Variants in CAP2 observed in about 807,000 individuals in gnomAD.
CAP2 encodes cyclase associated actin cytoskeleton regulatory protein 2.
Under a neutral mutation model 57.7 loss-of-function variants are expected in CAP2, and 24 were observed. That is an observed-to-expected ratio of 0.42 (90% confidence interval 0.30 to 0.58). The LOEUF is 0.58. Ranked by LOEUF, CAP2 falls within the 20% of genes least tolerant of loss-of-function variation. The probability of loss-of-function intolerance (pLI) is 0.22; values close to 1 mark genes in which losing one functional copy is unlikely to be tolerated. For synonymous variants in CAP2, 194 were observed against 207.2 expected, an observed-to-expected ratio of 0.94 and a Z score of 0.55; for missense variants, 501 against 590.3, an observed-to-expected ratio of 0.85 and a Z score of 1.57.
chr6:17,548,078 G>T (rs1763093342), intron 11 of CAP2, among the ~76,000 whole-genome samples: 2 of 151,604 alleles, frequency 1.3e-5, no homozygotes, highest in South Asian at 4.2e-4. Flanking sequence ...TTTAGAAAAT[G>T]CAATAGAGGC....
chr6:17,490,907 T>C (rs890326267), intron 4 of CAP2, among the ~76,000 whole-genome samples: 3 of 152,220 alleles, frequency 2.0e-5, no homozygotes, highest in Non-Finnish European at 4.4e-5. Context: ...TGGCTGAATG[T>C]CAGCTATAAG....
chr6:17,522,980 C>T (rs1024399489), intron 7 of CAP2, among the ~76,000 whole-genome samples: 6 of 152,120 alleles, frequency 3.9e-5, no homozygotes, highest in East Asian at 1.9e-4. Context: ...GTGATCCACT[C>T]GCCTTGGCCT....
chr6:17,504,207 C>T (rs1761914820), intron 4 of CAP2, among the ~76,000 whole-genome samples: 1 of 152,156 alleles, frequency 6.6e-6, no homozygotes, highest in Non-Finnish European at 1.5e-5. Flanking sequence ...ACCTGTTGTG[C>T]ACCCACAGTA....
intron 11 of CAP2, among the ~76,000 whole-genome samples, chr6:17,544,274 G>A: frequency 6.6e-6 from 1 of 152,208 alleles, no homozygotes; most frequent in African/African-American, 2.4e-5. Context: ...TAAAAGTACT[G>A]TGAGACTCTC....
intron 6 of CAP2, 149 bp downstream of exon 6, chr6:17,507,875 T>C: frequency 2.0e-6 from 1 of 511,512 alleles, no homozygotes; most frequent in East Asian, 3.0e-5. Flanking sequence ...TCTTTGCAGA[T>C]AAAGTCAAGT....
intron 3 of CAP2, among the ~76,000 whole-genome samples, chr6:17,437,834 G>C (rs542085415): frequency 6.6e-6 from 1 of 152,090 alleles, no homozygotes; most frequent in South Asian, 2.1e-4. Context: ...CAGAGATCAC[G>C]CCACTGCACT....
Position 17,514,516 on chromosome 6 carries a change from G to A in CAP2, c.636+562G>A, listed in dbSNP as rs1341972155. Among the ~76,000 whole-genome samples the A allele has an allele frequency of 3.9e-5, 6 of 152,008 alleles. No homozygotes were observed. The East Asian group carries it at 5.9e-4, about 15-fold the overall frequency. ...TGTAATCCCAGCACTTTGGGAGGCC[G>A]AGGTGGGCAGATCACCTGAGGTCAG... On this transcript the variant is annotated intron_variant, in intron 7 of 12. Transcript: ENST00000229922.
rs1048356625 is a variant in CAP2, at chr6:17,557,339, G to A, written c.*897G>A. The A allele has an allele frequency of 3.9e-5, 6 of 152,026 alleles. No homozygotes were observed. The highest frequency in any genetic ancestry group is 1.3e-4 in the Admixed American group (2 of 15,240). The allele number at this position is 152,026 out of a possible 1,614,324, so 9.4% of individuals were successfully genotyped here. On this transcript the variant is annotated 3_prime_UTR_variant, in exon 13 of 13. Coordinates refer to ENST00000229922, the MANE Select transcript of CAP2 (RefSeq NM_006366.3). ...CCTGCCAGACTTGCTAACCAAGCTC[G>A]AAAATGAACATGAAAAAGCCATACA...
chr6:17,509,513 A>G (rs560097631), intron 6 of CAP2, among the ~76,000 whole-genome samples: 8 of 152,210 alleles, frequency 5.3e-5, no homozygotes, highest in African/African-American at 1.7e-4. Flanking sequence ...CCCTGTCTCT[A>G]CTAAAAATAC....
rs554201583 is a variant in CAP2, at chr6:17,450,153, G to A, written c.223-12843G>A. On this transcript the variant is annotated intron_variant, in intron 3 of 12. Coordinates refer to ENST00000229922, the MANE Select transcript of CAP2 (RefSeq NM_006366.3). Reference sequence around the variant, plus strand: ...TGCAAGCTCCGCCTCCCAGGTTCACGCCATTCTCCTGCCTCAGCCTCCCGA... The same window carrying A: ...TGCAAGCTCCGCCTCCCAGGTTCACACCATTCTCCTGCCTCAGCCTCCCGA... Among the ~76,000 whole-genome samples the A allele has an allele frequency of 1.1e-4, 16 of 151,500 alleles. No homozygotes were observed. In the East Asian group the frequency reaches 2.7e-3, roughly 26 times the overall value.
intron 1 of CAP2, among the ~76,000 whole-genome samples, chr6:17,394,841 GGTT>G: frequency 6.6e-6 from 1 of 152,238 alleles, no homozygotes; most frequent in East Asian, 1.9e-4. Flanking sequence ...AGCAAGGATG[GGTT>G]GTTTGGTAGT....
At chr6:17,459,814 T>G (rs1760675193) in intron 3 of CAP2, among the ~76,000 whole-genome samples, 1 of 152,094 alleles carries the variant, frequency 6.6e-6, no homozygotes. Flanking sequence ...TCACAGAGAA[T>G]GCAGATAACA....
chr6:17,404,118 A>T (rs964188902), intron 1 of CAP2, among the ~76,000 whole-genome samples: 1 of 152,204 alleles, frequency 6.6e-6, no homozygotes, highest in Non-Finnish European at 1.5e-5. Context: ...CAATTCATTA[A>T]TTGACATAGT....
chr6:17,543,857 G>A (rs1762971066), intron 11 of CAP2, among the ~76,000 whole-genome samples: 1 of 152,002 alleles, frequency 6.6e-6, no homozygotes, highest in Non-Finnish European at 1.5e-5. Context: ...AGGCATGGTG[G>A]CTCACGCCTG....
chr6:17,427,714 G>A (rs1012305742), intron 3 of CAP2, among the ~76,000 whole-genome samples: 1 of 152,146 alleles, frequency 6.6e-6, no homozygotes, highest in African/African-American at 2.4e-5. Context: ...GTTCATAGCA[G>A]CATTATTCAC....
At chr6:17,416,116 A>C (rs1408607566) in intron 1 of CAP2, among the ~76,000 whole-genome samples, 1 of 151,512 alleles carries the variant, frequency 6.6e-6, no homozygotes, top group Non-Finnish European at 1.5e-5. Flanking sequence ...ACATACCACA[A>C]TTTTCATTTT....
chr6:17,469,979 C>T lies in CAP2; in HGVS notation c.300+6906C>T, dbSNP rs150310083. Among the ~76,000 whole-genome samples the T allele has an allele frequency of 3.9e-4, 59 of 152,232 alleles. No homozygotes were observed. The East Asian group carries it at 0.01, about 26-fold the overall frequency. ...CTAATTATTTAGATGCATGAGAGAT[C>T]CAGATTATTAGTGGGCATAAATATG... is the stretch of plus-strand genomic sequence containing the variant. On this transcript the variant is annotated intron_variant, in intron 4 of 12. Transcript: ENST00000229922.
Position 17,547,173 on chromosome 6 carries a change from T to G in CAP2, c.1209+4030T>G, listed in dbSNP as rs532424851. Among the ~76,000 whole-genome samples, 9 of 152,312 alleles carry G rather than the reference T, an allele frequency of 5.9e-5. No homozygotes were observed. In the East Asian group the frequency reaches 1.5e-3, roughly 26 times the overall value. ...AGAACTATAAGCCACTGTAACCATT[T>G]TTTAAAGTGATCTATAAATACATTT... On this transcript the variant is annotated intron_variant, in intron 11 of 12. Transcript: ENST00000229922.
intron 4 of CAP2, among the ~76,000 whole-genome samples, chr6:17,491,657 A>G (rs1449214948): frequency 6.6e-6 from 1 of 152,182 alleles, no homozygotes; most frequent in Non-Finnish European, 1.5e-5. Flanking sequence ...GTTTTGCCTA[A>G]GAGTATTAGC....
Sources: allele counts gnomAD v4.1 joint callset (sites outside exome capture counted in the v4.1 genomes callset), GRCh38; gene constraint gnomAD v4.1.1; transcripts MANE v1.5; gene names NCBI Gene and HGNC (gene_info 2026-07-23, HGNC 2026-07-21).